Variants in ZNF721 observed in about 807,000 individuals in gnomAD.
ZNF721 encodes the protein zinc finger protein 721.
Under a neutral mutation model 2.4 loss-of-function variants are expected in ZNF721, and 2 were observed. The observed-to-expected ratio is 0.82, with a 90% CI of 0.34 to 2.58. The LOEUF is 2.58. Ranked by LOEUF, ZNF721 falls within the 30% of genes most tolerant of loss-of-function variation. ZNF721 has a pLI of 0.11. For missense variants in ZNF721, 1,187 were observed against 1,085.5 expected, an observed-to-expected ratio of 1.09 and a Z score of -1.31; for synonymous variants, 398 against 381.8, an observed-to-expected ratio of 1.04 and a Z score of -0.50.
intron 1 of ZNF721, among the ~76,000 whole-genome samples, chr4:498,215 GAAAAAAAAA>G (rs797042296): frequency 3.6e-4 from 30 of 83,926 alleles, no homozygotes; most frequent in East Asian, 3.1e-3. Flanking sequence ...AAAAGAAAAA[GAAAAAAAAA>G]AAAAAAAAAA....
intron 2 of ZNF721, among the ~76,000 whole-genome samples, chr4:460,980 G>C (rs1715047182): frequency 1.3e-5 from 2 of 152,142 alleles, no homozygotes; most frequent in African/African-American, 4.8e-5. Context: ...AAAAAAGCCA[G>C]GACCAGATGG....
intron 1 of ZNF721, among the ~76,000 whole-genome samples, chr4:493,358 A>G (rs569628818): frequency 5.3e-4 from 80 of 152,312 alleles, no homozygotes; most frequent in Non-Finnish European, 8.8e-4. Flanking sequence ...TGTGTACTAC[A>G]CTGCCTAAAG....
intron 1 of ZNF721, among the ~76,000 whole-genome samples, chr4:485,127 C>T (rs1196799605): frequency 6.6e-6 from 1 of 152,052 alleles, no homozygotes; most frequent in African/African-American, 2.4e-5. Context: ...CCTGCCTCGG[C>T]CTCCCAAATG....
chr4:489,397 G>A (rs1278611507), intron 1 of ZNF721, among the ~76,000 whole-genome samples: 1 of 152,166 alleles, frequency 6.6e-6, no homozygotes, highest in Non-Finnish European at 1.5e-5. Context: ...ATCCTACTCT[G>A]CTTTACTCAC....
intron 1 of ZNF721, among the ~76,000 whole-genome samples, chr4:488,238 G>A (rs1715943589): frequency 6.6e-6 from 1 of 152,030 alleles, no homozygotes; most frequent in Admixed American, 6.6e-5. Context: ...TCAATTATTT[G>A]TTCAAAATAT....
chr4:443,067 T>C lies in ZNF721; in HGVS notation c.1400A>G (p.His467Arg), dbSNP rs200508844. The change falls in exon 3 of 3, where the codon CAT (histidine) becomes CGT (arginine). Residue 467 changes from histidine (H) to arginine (R), a missense_variant. Coordinates refer to ENST00000511833, the MANE Select transcript of ZNF721 (RefSeq NM_133474.4). The part of the protein sequence containing the change: ...SLHLNKHEKI[H>R]TGKKPYKCKQ... Reference sequence around the variant, plus strand: ...ACATTTGTAGGGTTTCTTTCCAGTATGAATTTTCTCATGTTTATTCAGGTG... The same window carrying C: ...ACATTTGTAGGGTTTCTTTCCAGTACGAATTTTCTCATGTTTATTCAGGTG... 2.5e-5 allele frequency: 40 copies of C among 1,613,782 alleles called. 1 individual carries two copies. Among genetic ancestry groups the C allele is most frequent in the African/African-American group, 2.1e-4 (16 of 74,942 alleles).
rs6847803 is a variant in ZNF721 at position 450,956 on chromosome 4, A to T, written c.35-6524T>A. 3.0e-4 allele frequency among the ~76,000 whole-genome samples: 19 copies of T among 63,742 alleles called. 1 individual carries two copies. Among genetic ancestry groups the T allele is most frequent in the African/African-American group, 1.0e-3 (13 of 12,916 alleles). The allele number at this position is 63,742 out of a possible 152,430, so 41.8% of individuals were successfully genotyped here. On this transcript the variant is annotated intron_variant, in intron 2 of 2. Transcript: ENST00000511833. ...TGTCTCCAAAAAAAAAAAAAAAAAA[A>T]ATATATATATATATATATATATATA...
At chr4:459,659 G>A (rs186431268) in intron 2 of ZNF721, among the ~76,000 whole-genome samples, 5 of 152,090 alleles carry the variant, frequency 3.3e-5, no homozygotes, top group Middle Eastern at 3.4e-3. Flanking sequence ...GTGAAACCCC[G>A]TCTCTACTAA....
intron 2 of ZNF721, among the ~76,000 whole-genome samples, chr4:471,341 G>C (rs1553867660): frequency 6.6e-6 from 1 of 152,058 alleles, no homozygotes; most frequent in Non-Finnish European, 1.5e-5. Flanking sequence ...AAAATATAGA[G>C]TGTATATATA....
intron 1 of ZNF721, among the ~76,000 whole-genome samples, chr4:475,057 G>C (rs1553868427): frequency 6.6e-6 from 1 of 151,938 alleles, no homozygotes. Context: ...CGTGGTGGGG[G>C]GCGCCTGTAG....
chr4:477,961 GGGGACAAA>G (rs1215869366), intron 1 of ZNF721, among the ~76,000 whole-genome samples: 1 of 152,118 alleles, frequency 6.6e-6, no homozygotes, highest in African/African-American at 2.4e-5. Context: ...GAAACTAAGT[GGGGACAAA>G]GGCAAAGATT....
Position 482,357 on chromosome 4 carries a change from G to T in ZNF721, c.-93-9656C>A, listed in dbSNP as rs10022634. 8.1e-3 allele frequency among the ~76,000 whole-genome samples: 1,231 copies of T among 152,198 alleles called. 18 individuals are homozygous for T. Among genetic ancestry groups the T allele is most frequent in the African/African-American group, 0.028 (1,175 of 41,530 alleles). On this transcript the variant is annotated intron_variant, in intron 1 of 2. Coordinates refer to ENST00000511833, the MANE Select transcript of ZNF721 (RefSeq NM_133474.4). ...TTTTTGTATTTTTAGTAGAGAGGAG[G>T]TTTCTCCATGTTGGTCAGGCTGGCC...
In ZNF721 at chr4:443,246, A is replaced by G. The variant is rs1714335384; in HGVS notation, c.1221T>C (p.His407=). The stretch of plus-strand genomic sequence containing the variant: ...GTTTCTCTCTGGTGTGAATTCTCTT[A>G]TGTGCAGTAAGGTTTGTTGAACTAT... The part of the protein sequence containing the change: ...AFNSSTNLTA[H]KRIHTREKPY... The change falls in exon 3 of 3, where the codon CAT becomes CAC. Residue 407 remains histidine (H), a synonymous_variant. Coordinates refer to ENST00000511833, the MANE Select transcript of ZNF721 (RefSeq NM_133474.4). 3 of 1,613,920 alleles carry G rather than the reference A, an allele frequency of 1.9e-6. No individual in the cohort carries two copies. The highest frequency in any genetic ancestry group is 3.3e-5 in the Admixed American group (2 of 60,008).
At chr4:464,170 A>G (rs540323092) in intron 2 of ZNF721, among the ~76,000 whole-genome samples, 1 of 152,214 alleles carries the variant, frequency 6.6e-6, no homozygotes, top group Non-Finnish European at 1.5e-5. Context: ...TAAAATCAGC[A>G]AACTTTAAAG....
chr4:440,312 C>T lies in ZNF721; in HGVS notation c.*1383G>A, dbSNP rs1184614629. 2 of 152,122 alleles carry T rather than the reference C, an allele frequency of 1.3e-5. No homozygotes were observed. The highest frequency in any genetic ancestry group is 4.8e-5 in the African/African-American group (2 of 41,422). 9.4% of individuals were successfully genotyped at this position (152,122 alleles called of 1,614,324 possible). ...GGAGTTTCTCATATCTCTGACGCAGCAACAATTTATCACATGCTTTCACAT... is the reference window on the plus strand; with the variant it reads ...GGAGTTTCTCATATCTCTGACGCAGTAACAATTTATCACATGCTTTCACAT... On this transcript the variant is annotated 3_prime_UTR_variant, in exon 3 of 3. Coordinates refer to ENST00000511833, the MANE Select transcript of ZNF721 (RefSeq NM_133474.4).
chr4:451,502 G>C (rs1222999719), intron 2 of ZNF721, among the ~76,000 whole-genome samples: 1 of 152,168 alleles, frequency 6.6e-6, no homozygotes, highest in Non-Finnish European at 1.5e-5. Context: ...TCTGTGCACA[G>C]ATGGTGGCTG....
At chr4:469,901 T>C (rs1285290769) in intron 2 of ZNF721, among the ~76,000 whole-genome samples, 1 of 152,160 alleles carries the variant, frequency 6.6e-6, no homozygotes, top group Non-Finnish European at 1.5e-5. Flanking sequence ...ACTTTTTTTT[T>C]GAGATGGTCT....
chr4:447,255 G>C (rs916236056), intron 2 of ZNF721, among the ~76,000 whole-genome samples: 2 of 152,058 alleles, frequency 1.3e-5, no homozygotes, highest in African/African-American at 4.8e-5. Context: ...CCAGGAGGCA[G>C]AGCTTGCAGT....
chr4:490,198 C>G (rs1458867349), intron 1 of ZNF721, among the ~76,000 whole-genome samples: 1 of 143,810 alleles, frequency 7.0e-6, no homozygotes, highest in Non-Finnish European at 1.5e-5. Flanking sequence ...CACAAACAGC[C>G]GGGTGCGGTG....
Sources: allele counts gnomAD v4.1 joint callset (sites outside exome capture counted in the v4.1 genomes callset), GRCh38; gene constraint gnomAD v4.1.1; transcripts MANE v1.5; gene names NCBI Gene and HGNC (gene_info 2026-07-23, HGNC 2026-07-21).